Variants in STRA6 observed in about 807,000 individuals in gnomAD.
The protein encoded by STRA6 is receptor for retinol uptake STRA6.
STRA6 carries 48 observed loss-of-function variants against 83.6 expected under a neutral mutation model. That is an observed-to-expected ratio of 0.57 (90% CI 0.46 to 0.73). The LOEUF is 0.73. Ranked by LOEUF, STRA6 falls within the 30% of genes least tolerant of loss-of-function variation. The pLI, the probability that STRA6 is intolerant of heterozygous loss-of-function variation, is 0.00. For missense variants in STRA6, 760 were observed against 838.8 expected, an observed-to-expected ratio of 0.91 and a Z score of 1.16; for synonymous variants, 353 against 362.3, an observed-to-expected ratio of 0.97 and a Z score of 0.29.
intron 1 of STRA6, 65 bp from the exon 2 acceptor site, chr15:74,202,347 A>C: frequency 6.4e-7 from 1 of 1,570,092 alleles, no homozygotes; most frequent in Non-Finnish European, 8.6e-7. Context: ...AAAAGAGAAA[A>C]AAAAAGAAAG....
chr15:74,182,671 C>T (rs1224520192), intron 14 of STRA6: 4 of 575,942 alleles, frequency 6.9e-6, no homozygotes, highest in African/African-American at 5.6e-5. Context: ...ATAGTCCCTA[C>T]CTCAGAGGCT....
chr15:74,190,420 TC>T (rs1253721153), intron 11 of STRA6, among the ~76,000 whole-genome samples: 1 of 147,892 alleles, frequency 6.8e-6, no homozygotes, highest in African/African-American at 2.6e-5. Flanking sequence ...GTTGGTTTTT[TC>T]GGGGTTTTTT....
upstream of STRA6, among the ~76,000 whole-genome samples, chr15:74,205,593 A>T (rs1287593050): frequency 3.3e-5 from 5 of 152,198 alleles, no homozygotes; most frequent in African/African-American, 4.8e-5. Context: ...CTGGGGTCAC[A>T]TTTCAACATG....
chr15:74,206,751 T>C (rs1427534095), upstream of STRA6, among the ~76,000 whole-genome samples: 1 of 152,172 alleles, frequency 6.6e-6, no homozygotes, highest in Admixed American at 6.5e-5. Context: ...AAGAATGAAT[T>C]GACACGTGTC....
upstream of STRA6, among the ~76,000 whole-genome samples, chr15:74,206,764 A>G (rs1488454622): frequency 6.6e-6 from 1 of 152,262 alleles, no homozygotes; most frequent in Non-Finnish European, 1.5e-5. Context: ...CACGTGTCTC[A>G]GGAGTGCCAA....
Position 74,195,454 on chromosome 15 carries a change from G to A in STRA6, c.445C>T (p.Leu149=). The change falls in exon 7 of 19, where the codon CTG becomes TTG. Residue 149 remains leucine, a synonymous_variant. Transcript: ENST00000395105. ...AGGGCAGCATAATAGAACAGTCCCAGTATCTTCCAGGCCCCTGGAAGGTGA... is the reference window on the plus strand; with the variant it reads ...AGGGCAGCATAATAGAACAGTCCCAATATCTTCCAGGCCCCTGGAAGGTGA... ...TEAPRGAWKI[L]GLFYYAALYY... 1 of 1,613,388 alleles carries A rather than the reference G, an allele frequency of 6.2e-7. No individual in the cohort carries two copies. The highest frequency in any genetic ancestry group is 8.5e-7 in the Non-Finnish European group (1 of 1,179,904).
At position 74,182,271 on chromosome 15, in the gene STRA6, G is replaced by A; in HGVS notation, c.1419-9C>T. 1.2e-6 allele frequency: 2 copies of A among 1,614,086 alleles called. No individual in the cohort carries two copies. Among genetic ancestry groups the A allele is most frequent in the Non-Finnish European group, 1.7e-6 (2 of 1,179,954 alleles). ...AAGTCAGCCAGAAGGGCCTGCCAGT[G>A]GGGTGGGGAGGTGGTCGCTGTTAGC... On this transcript the variant is annotated splice_polypyrimidine_tract_variant and intron_variant, in intron 15 of 18. Coordinates refer to ENST00000395105, the MANE Select transcript of STRA6 (RefSeq NM_022369.4).
At chr15:74,184,018 C>T in intron 13 of STRA6, 29 bp from the exon 14 acceptor site, 10 of 1,610,454 alleles carry the variant, frequency 6.2e-6, no homozygotes, top group Non-Finnish European at 7.6e-6. Context: ...AGGCAGAGAC[C>T]TCAGGGAGCA....
chr15:74,190,131 C>T, intron 11 of STRA6, among the ~76,000 whole-genome samples: 1 of 152,192 alleles, frequency 6.6e-6, no homozygotes, highest in East Asian at 1.9e-4. Flanking sequence ...ACCAACCCAC[C>T]TCAGATACTG....
At chr15:74,211,157 A>ACG (rs1567205309), upstream of STRA6, among the ~76,000 whole-genome samples, 25 of 5,624 alleles carry the variant, frequency 4.4e-3, no homozygotes, top group East Asian at 0.5. Context: ...GCACACGCAC[A>ACG]CACACACACA....
At chr15:74,195,563 C>G in intron 6 of STRA6, 89 bp downstream of exon 6, 1 of 1,572,378 alleles carries the variant, frequency 6.4e-7, no homozygotes, top group South Asian at 1.2e-5. Flanking sequence ...CTCCAGCTTC[C>G]AAGCCCTTCA....
chr15:74,190,689 G>A (rs999154170), intron 11 of STRA6, 151 bp downstream of exon 11: 16 of 1,130,780 alleles, frequency 1.4e-5, no homozygotes, highest in Middle Eastern at 2.8e-4. Context: ...GGCCCTTCTG[G>A]GTAGGCCAGA....
upstream of STRA6, among the ~76,000 whole-genome samples, chr15:74,204,025 G>C (rs534022258): frequency 1.5e-4 from 23 of 152,330 alleles, no homozygotes; most frequent in African/African-American, 5.5e-4. Context: ...TGCAGGGCAG[G>C]ATTAGGGGCT....
At chr15:74,187,714 T>G (rs1314781674) in intron 12 of STRA6, among the ~76,000 whole-genome samples, 2 of 152,152 alleles carry the variant, frequency 1.3e-5, no homozygotes, top group African/African-American at 4.8e-5. Context: ...GTATTCCTCA[T>G]CTGCAAATTT....
rs747060872 is a variant in STRA6 at position 74,179,964 on chromosome 15, G to A, written c.*116C>T. On this transcript the variant is annotated 3_prime_UTR_variant, in exon 19 of 19. Coordinates refer to ENST00000395105, the MANE Select transcript of STRA6 (RefSeq NM_022369.4). ...CTCCACCCAACCACAGTGATCCGGA[G>A]GACCTGCTGGCTGCATGGCTGGTGT... 2.6e-5 allele frequency: 37 copies of A among 1,396,274 alleles called. No homozygotes were observed. The highest frequency in any genetic ancestry group is 3.7e-5 in the Non-Finnish European group (37 of 1,008,940). 86.5% of individuals were successfully genotyped at this position (1,396,274 alleles called of 1,614,324 possible).
At chr15:74,185,590 G>C (rs111766239) in intron 12 of STRA6, among the ~76,000 whole-genome samples, 36 of 152,314 alleles carry the variant, frequency 2.4e-4, no homozygotes, top group African/African-American at 7.9e-4. Flanking sequence ...GGAGGCAGCC[G>C]CTGTCACCCA....
At chr15:74,183,559 T>C in intron 14 of STRA6, 1 of 1,248,034 alleles carries the variant, frequency 8.0e-7, no homozygotes, top group Non-Finnish European at 1.0e-6. Flanking sequence ...TGTACCATTT[T>C]GAATTTGACA....
upstream of STRA6, chr15:74,207,701 G>A (rs991561672): frequency 1.3e-6 from 2 of 1,535,704 alleles, no homozygotes; most frequent in African/African-American, 1.4e-5. Flanking sequence ...GCCCACCTGT[G>A]CAGCCCAGTC....
chr15:74,196,124 T>C lies in STRA6; in HGVS notation c.290A>G (p.Asp97Gly), dbSNP rs776162768. 37 of 1,613,366 alleles carry C rather than the reference T, an allele frequency of 2.3e-5. No homozygotes were observed. The highest frequency in any genetic ancestry group is 2.9e-5 in the Non-Finnish European group (34 of 1,179,940). Residue 97 changes from aspartate (D) to glycine (G), a missense_variant, in exon 5 of 19, where the codon GAC (aspartate) becomes GGC (glycine). Coordinates refer to ENST00000395105, the MANE Select transcript of STRA6 (RefSeq NM_022369.4). The stretch of plus-strand genomic sequence containing the variant: ...AGCAGCAGGCACTGCCCGGGGCCTG[T>C]CCCCAGCCAAGAAATCCACAGGGCT... The part of the protein sequence containing the change: ...LPSPVDFLAG[D>G]RPRAVPAAVF...
Sources: gnomAD v4.1 joint callset for allele counts (sites outside exome capture counted in the v4.1 genomes callset) on GRCh38, gnomAD v4.1.1 for gene constraint, MANE v1.5 for transcripts, NCBI Gene and HGNC (gene_info 2026-07-23, HGNC 2026-07-21) for gene names.